The following TMEM132C variants were observed in gnomAD, a reference collection of about 807,000 sequenced individuals.
TMEM132C encodes the protein transmembrane protein 132C.
In TMEM132C, 29 loss-of-function variants were observed where a neutral mutation model predicts 61.4. The ratio of observed to expected loss-of-function variants is 0.47; its 90% CI spans 0.35 to 0.64. TMEM132C has a LOEUF of 0.64. Among genes scored for constraint, TMEM132C ranks in the 30% least tolerant of loss-of-function variants. TMEM132C has a pLI of 0.00. For missense variants in TMEM132C, 1,408 were observed against 1,476.9 expected, an observed-to-expected ratio of 0.95 and a Z score of 0.76; for synonymous variants, 656 against 633.1, an observed-to-expected ratio of 1.04 and a Z score of -0.54.
chr12:128,641,529 G>A (rs1954157802), intron 4 of TMEM132C, among the ~76,000 whole-genome samples: 1 of 152,164 alleles, frequency 6.6e-6, no homozygotes, highest in Admixed American at 6.5e-5. Flanking sequence ...TGTGGGAAGA[G>A]GGAGGCAGAG....
chr12:128,482,926 G>T (rs1409340629), intron 2 of TMEM132C, among the ~76,000 whole-genome samples: 1 of 151,888 alleles, frequency 6.6e-6, no homozygotes, highest in Non-Finnish European at 1.5e-5. Context: ...CAGGGCCTGG[G>T]TGCAGAGCCA....
intron 8 of TMEM132C, 120 bp downstream of exon 8, chr12:128,697,535 G>C: frequency 2.0e-6 from 2 of 1,023,940 alleles, no homozygotes; most frequent in Non-Finnish European, 2.8e-6. Context: ...TTCCACAATG[G>C]AAGCCATGTC....
intron 1 of TMEM132C, among the ~76,000 whole-genome samples, chr12:128,318,761 C>T (rs575317273): frequency 5.3e-5 from 8 of 152,284 alleles, no homozygotes; most frequent in African/African-American, 1.7e-4. Context: ...AAAGTGATCA[C>T]GGAGAGATGT....
intron 1 of TMEM132C, among the ~76,000 whole-genome samples, chr12:128,354,209 G>A (rs918823587): frequency 6.6e-6 from 1 of 151,952 alleles, no homozygotes; most frequent in Non-Finnish European, 1.5e-5. Flanking sequence ...AAGCCCCTAG[G>A]TGTGTGAGTC....
intron 7 of TMEM132C, 65 bp from the exon 8 acceptor site, chr12:128,697,159 G>A (rs1954771957): frequency 7.2e-7 from 1 of 1,390,616 alleles, no homozygotes. Flanking sequence ...AAATATTACT[G>A]GTAAAGGGGA....
At chr12:128,667,478 A>C (rs192161369) in intron 4 of TMEM132C, among the ~76,000 whole-genome samples, 1 of 152,336 alleles carries the variant, frequency 6.6e-6, no homozygotes, top group Non-Finnish European at 1.5e-5. Context: ...GACCCAGGAG[A>C]AGACACAGCC....
At chr12:128,384,969 C>T (rs1364028770) in intron 1 of TMEM132C, among the ~76,000 whole-genome samples, 2 of 152,242 alleles carry the variant, frequency 1.3e-5, no homozygotes, top group African/African-American at 4.8e-5. Context: ...TTCACATTCA[C>T]GTCTGTCAAA....
intron 8 of TMEM132C, among the ~76,000 whole-genome samples, chr12:128,700,134 T>C (rs1954793863): frequency 6.6e-6 from 1 of 152,130 alleles, no homozygotes; most frequent in South Asian, 2.1e-4. Flanking sequence ...CCGCTCCCCA[T>C]CTCCTGTCGC....
At chr12:128,645,231 G>A (rs1207174405) in intron 4 of TMEM132C, among the ~76,000 whole-genome samples, 2 of 152,132 alleles carry the variant, frequency 1.3e-5, no homozygotes, top group East Asian at 3.9e-4. Flanking sequence ...AACCAGTACG[G>A]CCTCTCTCCT....
At chr12:128,282,368 T>G (rs10847592) in intron 1 of TMEM132C, among the ~76,000 whole-genome samples, 21,182 of 152,258 alleles carry the variant, frequency 0.14, 1,620 homozygotes, top group East Asian at 0.22. Context: ...CTGCATGGCT[T>G]GGGAGGCCTC....
chr12:128,556,950 T>A (rs1565973523), intron 3 of TMEM132C, among the ~76,000 whole-genome samples: 1 of 152,192 alleles, frequency 6.6e-6, no homozygotes, highest in Non-Finnish European at 1.5e-5. Context: ...TTGCTTTTGT[T>A]TTATACCACT....
At chr12:128,304,681 T>C (rs1871706263) in intron 1 of TMEM132C, among the ~76,000 whole-genome samples, 2 of 152,010 alleles carry the variant, frequency 1.3e-5, no homozygotes, top group African/African-American at 2.4e-5. Context: ...TGTAATCTAT[T>C]TGGGGAGACG....
rs141406457 is a variant in TMEM132C at position 128,301,999 on chromosome 12, G to A, written c.85+34512G>A. 3.3e-3 allele frequency among the ~76,000 whole-genome samples: 499 copies of A among 152,280 alleles called. 6 individuals carry two copies. Among genetic ancestry groups the A allele is most frequent in the African/African-American group, 0.012 (481 of 41,558 alleles). ...TTACTTACTACCACGAGAACTGTAT[G>A]GGGGAAGCTGCCTCTGTGATTCAGT... On this transcript the variant is annotated intron_variant, in intron 1 of 8. Transcript: ENST00000435159.
At chr12:128,566,540 T>A (rs553838259) in intron 3 of TMEM132C, among the ~76,000 whole-genome samples, 1 of 152,354 alleles carries the variant, frequency 6.6e-6, no homozygotes, top group South Asian at 2.1e-4. Context: ...AGATCCTGGC[T>A]GTTGGTATTT....
intron 1 of TMEM132C, among the ~76,000 whole-genome samples, chr12:128,351,534 A>G (rs1873337170): frequency 6.6e-6 from 1 of 152,182 alleles, no homozygotes; most frequent in Non-Finnish European, 1.5e-5. Flanking sequence ...CAAGAAATCT[A>G]TTTGGTTCAT....
At chr12:128,357,332 A>AC (rs987708554) in intron 1 of TMEM132C, among the ~76,000 whole-genome samples, 12 of 150,590 alleles carry the variant, frequency 8.0e-5, no homozygotes, top group South Asian at 4.3e-4. Context: ...GCCCCAGGAG[A>AC]CCCCCCCGGC....
intron 1 of TMEM132C, among the ~76,000 whole-genome samples, chr12:128,284,084 C>T (rs1044200960): frequency 9.2e-5 from 14 of 152,114 alleles, no homozygotes; most frequent in East Asian, 3.9e-4. Context: ...TTTGGCAGGT[C>T]GGGGTGGTGA....
chr12:128,457,786 G>A lies in TMEM132C; in HGVS notation c.974+42166G>A, dbSNP rs117750471. ...CAAGTTTAAGAAAATGAGGAATAGT[G>A]GGATGGAGATAAGCATTTTCTGCCT... On this transcript the variant is annotated intron_variant, in intron 2 of 8. Transcript: ENST00000435159. Among the ~76,000 whole-genome samples the A allele has an allele frequency of 2.0e-4, 30 of 152,200 alleles. No homozygotes were observed. In the East Asian group the frequency reaches 4.2e-3, roughly 22 times the overall value.
intron 4 of TMEM132C, among the ~76,000 whole-genome samples, chr12:128,629,840 C>T (rs1265182614): frequency 6.6e-6 from 1 of 151,948 alleles, no homozygotes; most frequent in African/African-American, 2.4e-5. Flanking sequence ...GTGGTGCACA[C>T]CTGTAATCCC....
Sources: gnomAD v4.1 joint callset for allele counts (sites outside exome capture counted in the v4.1 genomes callset) on GRCh38, gnomAD v4.1.1 for gene constraint, MANE v1.5 for transcripts, NCBI Gene and HGNC (gene_info 2026-07-23, HGNC 2026-07-21) for gene names.